The following UGP2 variants were observed in gnomAD, a reference collection of about 807,000 sequenced individuals.
UGP2 encodes UTP--glucose-1-phosphate uridylyltransferase.
In UGP2, 40 loss-of-function variants were observed where a neutral mutation model predicts 49.0. That is an observed-to-expected ratio of 0.82 (90% CI 0.63 to 1.06). UGP2 has a LOEUF of 1.06. UGP2 is among the 50% of genes least tolerant of loss of function. The pLI is 0.00. For missense variants in UGP2, 460 were observed against 603.5 expected, an observed-to-expected ratio of 0.76 and a Z score of 2.49; for synonymous variants, 225 against 213.0, an observed-to-expected ratio of 1.06 and a Z score of -0.49.
chr2:63,858,338 T>C (rs1669594316), intron 3 of UGP2, among the ~76,000 whole-genome samples: 1 of 152,254 alleles, frequency 6.6e-6, no homozygotes, highest in Non-Finnish European at 1.5e-5. Context: ...TTGTATTTTA[T>C]TGGAATACAG....
intron 1 of UGP2, among the ~76,000 whole-genome samples, chr2:63,842,848 A>T (rs1270370930): frequency 6.6e-6 from 1 of 152,342 alleles, no homozygotes; most frequent in East Asian, 1.9e-4. Context: ...CCACATGTGT[A>T]TTTAAAAAGG....
At chr2:63,861,841 A>C (rs555238142) in intron 3 of UGP2, among the ~76,000 whole-genome samples, 5 of 152,230 alleles carry the variant, frequency 3.3e-5, no homozygotes, top group African/African-American at 1.2e-4. Context: ...TGTGGTATTT[A>C]GCTCCAATGG....
rs1485821507 is a variant in UGP2 at position 63,886,566 on chromosome 2, T to C, written c.1071+28T>C. 3 of 1,612,024 alleles carry C rather than the reference T, an allele frequency of 1.9e-6. No homozygotes were observed. In the South Asian group the frequency reaches 3.3e-5, roughly 18 times the overall value. ...AAGCCAAGGTTGTGGCCCATTGAGC[T>C]TCCTGGTTCCTAAGGTCATAGTAGG... On this transcript the variant is annotated intron_variant, in intron 7 of 9. Coordinates refer to ENST00000337130, the MANE Select transcript of UGP2 (RefSeq NM_006759.4).
chr2:63,874,789 G>C (rs1355035908), intron 3 of UGP2, among the ~76,000 whole-genome samples: 3 of 149,572 alleles, frequency 2.0e-5, no homozygotes, highest in African/African-American at 7.4e-5. Flanking sequence ...AAAAAAAAAA[G>C]CCTGGTACCT....
intron 3 of UGP2, among the ~76,000 whole-genome samples, chr2:63,861,285 C>T (rs908264065): frequency 6.6e-6 from 1 of 151,554 alleles, no homozygotes; most frequent in Non-Finnish European, 1.5e-5. Flanking sequence ...TTGGTCTTGG[C>T]CAAGCTTACA....
At chr2:63,857,794 T>C (rs1669548441) in intron 2 of UGP2, 35 bp from the exon 3 acceptor site, 1 of 1,561,260 alleles carries the variant, frequency 6.4e-7, no homozygotes, top group African/African-American at 1.4e-5. Flanking sequence ...TATTAAGCAT[T>C]CTGCTGGTTG....
At chr2:63,886,822 A>G (rs79733570) in intron 7 of UGP2, among the ~76,000 whole-genome samples, 2,077 of 152,316 alleles carry the variant, frequency 0.014, 21 homozygotes, top group Non-Finnish European at 0.023. Context: ...TCTGACACTC[A>G]TAGGTCATTT....
At chr2:63,876,203 A>T (rs1670895581) in intron 3 of UGP2, among the ~76,000 whole-genome samples, 2 of 152,086 alleles carry the variant, frequency 1.3e-5, no homozygotes, top group Non-Finnish European at 2.9e-5. Context: ...GAGGGTGTGG[A>T]CAGTGTCACC....
At chr2:63,875,762 T>C (rs1310855131) in intron 3 of UGP2, among the ~76,000 whole-genome samples, 1 of 152,230 alleles carries the variant, frequency 6.6e-6, no homozygotes, top group Non-Finnish European at 1.5e-5. Context: ...AGGAGCCTCA[T>C]GCGGTTTGCC....
intron 1 of UGP2, among the ~76,000 whole-genome samples, chr2:63,843,347 T>C (rs964589983): frequency 6.6e-6 from 1 of 152,252 alleles, no homozygotes; most frequent in Non-Finnish European, 1.5e-5. Context: ...ATACCTTATA[T>C]GTGGTAAGAG....
chr2:63,866,728 G>C (rs1198089635), intron 3 of UGP2, among the ~76,000 whole-genome samples: 1 of 152,150 alleles, frequency 6.6e-6, no homozygotes, highest in African/African-American at 2.4e-5. Context: ...AATGAGGGTA[G>C]GCAAGGTAGT....
chr2:63,884,536 AT>A (rs1401824295), intron 5 of UGP2, among the ~76,000 whole-genome samples: 1 of 152,168 alleles, frequency 6.6e-6, no homozygotes, highest in Non-Finnish European at 1.5e-5. Flanking sequence ...CAGATGATGA[AT>A]TCTGATTGAA....
rs760766475 is a variant in UGP2 at position 63,891,212 on chromosome 2, C to T, written c.1512C>T (p.Arg504=). ...ACAAGATTGTGTCTGGAAACCTTCG[C>T]ATCTTGGACCACTGAAATGAAAAAT... The part of the protein sequence containing the change: ...LENKIVSGNL[R]ILDH Residue 504 remains arginine, a synonymous_variant, in exon 10 of 10, where the codon CGC becomes CGT. Transcript: ENST00000337130. 2 of 1,612,948 alleles carry T rather than the reference C, an allele frequency of 1.2e-6. No individual in the cohort carries two copies. The highest frequency in any genetic ancestry group is 1.1e-5 in the South Asian group (1 of 90,906).
intron 2 of UGP2, chr2:63,856,692 T>G: frequency 2.0e-6 from 1 of 507,436 alleles, no homozygotes; most frequent in Non-Finnish European, 3.7e-6. Flanking sequence ...TTATACTTTG[T>G]TCTGTGTTTT....
At chr2:63,870,105 A>G (rs1670452592) in intron 3 of UGP2, among the ~76,000 whole-genome samples, 1 of 151,668 alleles carries the variant, frequency 6.6e-6, no homozygotes, top group Non-Finnish European at 1.5e-5. Context: ...TGTATTTTTA[A>G]TAGAGATGGG....
chr2:63,887,675 AT>A lies in UGP2; in HGVS notation c.1314+34del, dbSNP rs767630863. 1.5e-5 allele frequency: 24 copies of A among 1,607,600 alleles called. 1 individual carries two copies. In the South Asian group the frequency reaches 2.7e-4, roughly 18 times the overall value. On this transcript the variant is annotated intron_variant, in intron 8 of 9. Coordinates refer to ENST00000337130, the MANE Select transcript of UGP2 (RefSeq NM_006759.4). ...TAACTATAAAGATATGTGAGTTCAT[AT>A]TTCTTAAATGTGTAATTATAAAGAT...
chr2:63,859,962 T>C (rs1353451579), intron 3 of UGP2, among the ~76,000 whole-genome samples: 1 of 152,218 alleles, frequency 6.6e-6, no homozygotes, highest in Non-Finnish European at 1.5e-5. Context: ...GTTCTGAGAA[T>C]ACAAATCTTG....
chr2:63,882,711 CATAA>C (rs1480204799), intron 4 of UGP2, 60 bp downstream of exon 4: 1 of 1,413,998 alleles, frequency 7.1e-7, no homozygotes, highest in African/African-American at 1.4e-5. Flanking sequence ...TTTAAGTTAT[CATAA>C]ATGTTATAAA....
At chr2:63,864,683 G>C (rs772604656) in intron 3 of UGP2, among the ~76,000 whole-genome samples, 8 of 152,138 alleles carry the variant, frequency 5.3e-5, no homozygotes, top group African/African-American at 1.7e-4. Flanking sequence ...ACACCCACCA[G>C]TTACCACCAG....
Sources: gnomAD v4.1 joint callset for allele counts (sites outside exome capture counted in the v4.1 genomes callset) on GRCh38, gnomAD v4.1.1 for gene constraint, MANE v1.5 for transcripts, NCBI Gene and HGNC (gene_info 2026-07-23, HGNC 2026-07-21) for gene names.